Variants in CADM2 observed in about 807,000 individuals in gnomAD.
CADM2 encodes the protein immunoglobulin superfamily member 4D.
In CADM2, 12 loss-of-function variants were observed where a neutral mutation model predicts 49.8. The ratio of observed to expected loss-of-function variants is 0.24; its 90% CI spans 0.15 to 0.39. The LOEUF (loss-of-function observed/expected upper bound fraction) is 0.39. Among genes scored for constraint, CADM2 ranks in the 10% least tolerant of loss-of-function variants. The pLI is 1.00. For synonymous variants in CADM2, 214 were observed against 175.4 expected, an observed-to-expected ratio of 1.22 and a Z score of -1.74; for missense variants, 378 against 492.3, an observed-to-expected ratio of 0.77 and a Z score of 2.20.
chr3:85,043,592 T>A (rs1399797610), intron 1 of CADM2, among the ~76,000 whole-genome samples: 1 of 151,932 alleles, frequency 6.6e-6, no homozygotes, highest in Non-Finnish European at 1.5e-5. Flanking sequence ...GTTCAGAGGA[T>A]CTCTTGAGTT....
chr3:85,567,162 T>G (rs150835442), intron 1 of CADM2, among the ~76,000 whole-genome samples: 2 of 152,156 alleles, frequency 1.3e-5, no homozygotes, highest in Non-Finnish European at 2.9e-5. Flanking sequence ...GTGGAGGGTT[T>G]TAAAGCACAT....
In CADM2 at chr3:85,939,860, T is replaced by A. The variant is rs1721646604; in HGVS notation, c.791+4003T>A. ...TCCAATTCTATAAAAGAAGAAAGAATTTAATCTTTAGGAAGACAGATCACA... is the reference window on the plus strand; with the variant it reads ...TCCAATTCTATAAAAGAAGAAAGAAATTAATCTTTAGGAAGACAGATCACA... On this transcript the variant is annotated intron_variant, in intron 7 of 9. Coordinates refer to ENST00000383699, the MANE Select transcript of CADM2 (RefSeq NM_001167675.2). 4.0e-5 allele frequency among the ~76,000 whole-genome samples: 6 copies of A among 149,420 alleles called. No homozygotes were observed. In the Admixed American group the frequency reaches 4.1e-4, roughly 10 times the overall value.
chr3:85,417,711 C>T (rs4856570), intron 1 of CADM2, among the ~76,000 whole-genome samples: 131,482 of 152,158 alleles, frequency 0.86, 56,958 homozygotes, highest in East Asian at 0.95. Context: ...AGGTCTTATA[C>T]AGATTCTTCA....
At chr3:85,105,129 G>C (rs774307218) in intron 1 of CADM2, among the ~76,000 whole-genome samples, 1 of 152,052 alleles carries the variant, frequency 6.6e-6, no homozygotes, top group Non-Finnish European at 1.5e-5. Context: ...TGGTGAGAAA[G>C]GGCATCCCTG....
At chr3:85,084,794 A>G (rs1418549315) in intron 1 of CADM2, among the ~76,000 whole-genome samples, 16 of 152,280 alleles carry the variant, frequency 1.1e-4, no homozygotes, top group East Asian at 3.9e-4. Context: ...GGATTAATCA[A>G]CAATGTATTT....
chr3:85,824,379 G>A (rs922164519), intron 3 of CADM2, among the ~76,000 whole-genome samples: 2 of 152,040 alleles, frequency 1.3e-5, no homozygotes, highest in Non-Finnish European at 2.9e-5. Context: ...GTAAACTTGT[G>A]TGGGAAATAA....
At chr3:85,885,807 G>A (rs1215091969) in intron 4 of CADM2, among the ~76,000 whole-genome samples, 1 of 137,502 alleles carries the variant, frequency 7.3e-6, no homozygotes, top group Non-Finnish European at 1.5e-5. Flanking sequence ...AGCCGAGATC[G>A]AGCCAGTCCA....
At chr3:85,421,939 A>G (rs1182549003) in intron 1 of CADM2, among the ~76,000 whole-genome samples, 2 of 152,258 alleles carry the variant, frequency 1.3e-5, no homozygotes, top group Non-Finnish European at 2.9e-5. Flanking sequence ...GGAGACAGAC[A>G]AAAACATAGT....
chr3:84,971,425 G>C (rs934875395), intron 1 of CADM2, among the ~76,000 whole-genome samples: 1 of 152,060 alleles, frequency 6.6e-6, no homozygotes, highest in Non-Finnish European at 1.5e-5. Flanking sequence ...TCATTGGCTT[G>C]CTTTTTTATC....
chr3:85,867,965 A>C (rs904169277), intron 3 of CADM2, among the ~76,000 whole-genome samples: 22 of 152,190 alleles, frequency 1.4e-4, no homozygotes, highest in African/African-American at 5.3e-4. Context: ...AAACAAGTGA[A>C]TCAGCTCTAC....
At chr3:85,843,546 A>G (rs924489070) in intron 3 of CADM2, among the ~76,000 whole-genome samples, 40 of 152,254 alleles carry the variant, frequency 2.6e-4, no homozygotes, top group Non-Finnish European at 5.6e-4. Context: ...TTTTTCTCAA[A>G]TAAATATTTA....
intron 1 of CADM2, among the ~76,000 whole-genome samples, chr3:85,101,842 T>C (rs2038024370): frequency 6.6e-6 from 1 of 152,180 alleles, no homozygotes; most frequent in Non-Finnish European, 1.5e-5. Context: ...GACACTTGAT[T>C]CCATACTTAA....
At chr3:85,598,910 G>A (rs751537612) in intron 1 of CADM2, among the ~76,000 whole-genome samples, 16 of 151,142 alleles carry the variant, frequency 1.1e-4, no homozygotes, top group Admixed American at 6.6e-4. Flanking sequence ...ATATCTTTTA[G>A]TCAAAAGGCA....
chr3:85,579,593 CACTT>C (rs2062735782), intron 1 of CADM2, among the ~76,000 whole-genome samples: 1 of 152,084 alleles, frequency 6.6e-6, no homozygotes, highest in Non-Finnish European at 1.5e-5. Context: ...TGAGTAATTA[CACTT>C]ACTTTTGATT....
chr3:85,886,989 T>A (rs931017055), intron 5 of CADM2, among the ~76,000 whole-genome samples: 2 of 152,204 alleles, frequency 1.3e-5, no homozygotes, highest in African/African-American at 4.8e-5. Context: ...AAAACATATT[T>A]CTTATGCCAC....
At chr3:85,442,021 C>A (rs2037224099) in intron 1 of CADM2, among the ~76,000 whole-genome samples, 1 of 152,026 alleles carries the variant, frequency 6.6e-6, no homozygotes, top group Non-Finnish European at 1.5e-5. Context: ...ATCCCTGCTG[C>A]CTCTAAATAT....
chr3:85,895,570 G>C (rs868616640), intron 5 of CADM2, among the ~76,000 whole-genome samples: 7 of 152,146 alleles, frequency 4.6e-5, no homozygotes, highest in South Asian at 2.1e-4. Context: ...TGTTGGGAAG[G>C]CATGATTGGT....
intron 6 of CADM2, among the ~76,000 whole-genome samples, chr3:85,926,190 A>G (rs1719846417): frequency 1.3e-5 from 2 of 151,386 alleles, no homozygotes; most frequent in Non-Finnish European, 2.9e-5. Flanking sequence ...AAAATAGATA[A>G]TAAAGTAAAT....
chr3:85,424,428 C>A (rs72907239), intron 1 of CADM2, among the ~76,000 whole-genome samples: 4,863 of 152,024 alleles, frequency 0.032, 251 homozygotes, highest in African/African-American at 0.11. Flanking sequence ...CACCTTCCAA[C>A]TTCTTGCCTG....
Sources: gnomAD v4.1 joint callset for allele counts (sites outside exome capture counted in the v4.1 genomes callset) on GRCh38, gnomAD v4.1.1 for gene constraint, MANE v1.5 for transcripts, NCBI Gene and HGNC (gene_info 2026-07-23, HGNC 2026-07-21) for gene names.